HDAC9: variants seen among roughly 807,000 people sequenced by gnomAD.
The protein encoded by HDAC9 is histone deacetylase 9, also known as MEF-2 interacting transcription repressor (MITR) protein.
HDAC9 carries 41 observed loss-of-function variants against 139.4 expected under a neutral mutation model. The observed-to-expected ratio is 0.29, with a 90% CI of 0.23 to 0.38. HDAC9 has a LOEUF of 0.38. Among genes scored for constraint, HDAC9 ranks in the 10% least tolerant of loss-of-function variants. The pLI is 1.00. For missense variants in HDAC9, 1,147 were observed against 1,297.0 expected (o/e 0.88, Z 1.78); for synonymous variants, 517 against 476.2 (o/e 1.09, Z -1.12).
intron 1 of HDAC9, among the ~76,000 whole-genome samples, chr7:18,427,122 C>A (rs996147527): frequency 6.6e-6 from 1 of 152,138 alleles, no homozygotes; most frequent in Non-Finnish European, 1.5e-5. Flanking sequence ...AGAGTAACAA[C>A]CAATTGTTGC....
intron 5 of HDAC9, among the ~76,000 whole-genome samples, chr7:18,593,662 T>C (rs1336325822): frequency 1.3e-5 from 2 of 152,138 alleles, no homozygotes; most frequent in Non-Finnish European, 2.9e-5. Flanking sequence ...TAAATTATTT[T>C]AGTGAAGCAA....
chr7:18,791,260 G>C (rs2129177863), intron 16 of HDAC9, among the ~76,000 whole-genome samples: 1 of 152,100 alleles, frequency 6.6e-6, no homozygotes. Context: ...AATTTTACAT[G>C]GTTCTTGAGT....
chr7:18,264,125 A>G (rs1199526386), intron 2 of HDAC9, among the ~76,000 whole-genome samples: 1 of 152,234 alleles, frequency 6.6e-6, no homozygotes, highest in African/African-American at 2.4e-5. Flanking sequence ...TCCACTTTAC[A>G]TAATGGACAG....
intron 2 of HDAC9, among the ~76,000 whole-genome samples, chr7:18,240,352 T>C (rs1486669385): frequency 6.6e-6 from 1 of 152,168 alleles, no homozygotes; most frequent in South Asian, 2.1e-4. Flanking sequence ...TCTTACCCTA[T>C]ACTGCATTTT....
intron 13 of HDAC9, among the ~76,000 whole-genome samples, chr7:18,732,460 T>TATACAG (rs2129133206): frequency 1.2e-5 from 1 of 80,340 alleles, no homozygotes; most frequent in South Asian, 4.1e-4. Flanking sequence ...GTGTGTATAT[T>TATACAG]TGTATGTGTG....
chr7:18,771,537 ATGTGTGTG>A (rs144486840), intron 16 of HDAC9, among the ~76,000 whole-genome samples: 3,636 of 146,534 alleles, frequency 0.025, 110 homozygotes, highest in African/African-American at 0.076. Context: ...ATTTACAGAT[ATGTGTGTG>A]TGTGTGTGTG....
At chr7:18,295,397 ATAAAG>A (rs1433998905) in intron 1 of HDAC9, among the ~76,000 whole-genome samples, 2 of 152,346 alleles carry the variant, frequency 1.3e-5, no homozygotes, top group Non-Finnish European at 2.9e-5. Context: ...GCTCATTGAC[ATAAAG>A]TAAACAGGCA....
intron 1 of HDAC9, among the ~76,000 whole-genome samples, chr7:18,359,126 C>G (rs1783567891): frequency 6.6e-6 from 1 of 152,146 alleles, no homozygotes; most frequent in Admixed American, 6.5e-5. Flanking sequence ...GAGGCTGAGA[C>G]AGGCAGATTA....
Position 18,106,733 on chromosome 7 carries a change from CGTG to C in HDAC9, c.-97+19521_-97+19523del, listed in dbSNP as rs1230433445. On this transcript the variant is annotated intron_variant, in intron 1 of 12. Transcript: ENST00000417496. The stretch of plus-strand genomic sequence containing the variant: ...CCTCCCAGTGTGCTGGGATTACAGG[CGTG>C]AGCCACCGTGGCTGGCCCTGTGTAC... Among the ~76,000 whole-genome samples, 6 of 152,294 alleles carry C rather than the reference CGTG, an allele frequency of 3.9e-5. No homozygotes were observed. The East Asian group carries it at 9.7e-4, about 25-fold the overall frequency.
At chr7:18,801,519 A>G (rs1793285390) in intron 17 of HDAC9, among the ~76,000 whole-genome samples, 1 of 152,230 alleles carries the variant, frequency 6.6e-6, no homozygotes, top group South Asian at 2.1e-4. Flanking sequence ...GAATTTTTGC[A>G]TATAAGTTAA....
At chr7:18,673,337 G>A (rs1795773145) in intron 12 of HDAC9, among the ~76,000 whole-genome samples, 1 of 151,956 alleles carries the variant, frequency 6.6e-6, no homozygotes, top group Admixed American at 6.6e-5. Flanking sequence ...TGCCTCTGTT[G>A]ACAGAATTTC....
At chr7:18,541,608 ATAAT>A (rs1776274318) in intron 2 of HDAC9, among the ~76,000 whole-genome samples, 1 of 152,162 alleles carries the variant, frequency 6.6e-6, no homozygotes, top group Admixed American at 6.5e-5. Context: ...GACAAACATA[ATAAT>A]TAATTATGTG....
intron 1 of HDAC9, among the ~76,000 whole-genome samples, chr7:18,481,485 C>T (rs948757846): frequency 3.9e-5 from 6 of 152,168 alleles, no homozygotes; most frequent in Non-Finnish European, 7.4e-5. Flanking sequence ...TACAACACCA[C>T]TATAAACTGC....
At chr7:18,872,361 A>G (rs1798988640) in intron 21 of HDAC9, among the ~76,000 whole-genome samples, 1 of 152,176 alleles carries the variant, frequency 6.6e-6, no homozygotes, top group Non-Finnish European at 1.5e-5. Context: ...TGCTTCAGAT[A>G]GAAACCAGTA....
At chr7:18,984,174 C>T (rs61558214) in intron 25 of HDAC9, among the ~76,000 whole-genome samples, 1 of 151,970 alleles carries the variant, frequency 6.6e-6, no homozygotes, top group East Asian at 1.9e-4. Flanking sequence ...GAATCTGCAT[C>T]CCTTTGGCTT....
chr7:18,513,112 C>G (rs1432954032), intron 2 of HDAC9, among the ~76,000 whole-genome samples: 2 of 152,242 alleles, frequency 1.3e-5, no homozygotes, highest in Middle Eastern at 3.4e-3. Context: ...ACTCAAATAT[C>G]TATGTTTGCA....
chr7:18,802,411 C>T (rs952482062), intron 17 of HDAC9, among the ~76,000 whole-genome samples: 2 of 151,762 alleles, frequency 1.3e-5, no homozygotes, highest in Non-Finnish European at 2.9e-5. Flanking sequence ...TTATGAGACC[C>T]GCTTTATTGA....
At chr7:18,208,798 G>A (rs1289682815) in intron 2 of HDAC9, among the ~76,000 whole-genome samples, 1 of 152,102 alleles carries the variant, frequency 6.6e-6, no homozygotes, top group Non-Finnish European at 1.5e-5. Flanking sequence ...AATTAAATTA[G>A]CATGAGGAAA....
intron 1 of HDAC9, among the ~76,000 whole-genome samples, chr7:18,440,944 GT>G (rs1791697030): frequency 6.6e-6 from 1 of 152,204 alleles, no homozygotes; most frequent in South Asian, 2.1e-4. Context: ...TAAGCCAAGA[GT>G]TAATGATATT....
Sources: gnomAD v4.1 joint callset for allele counts (sites outside exome capture counted in the v4.1 genomes callset) on GRCh38, gnomAD v4.1.1 for gene constraint, MANE v1.5 for transcripts, NCBI Gene and HGNC (gene_info 2026-07-23, HGNC 2026-07-21) for gene names.